Variants in AVEN observed in about 807,000 individuals in gnomAD.
AVEN encodes the protein cell death regulator Aven.
In AVEN, 41 loss-of-function variants were observed where a neutral mutation model predicts 38.1. That is an observed-to-expected ratio of 1.08 (90% CI 0.84 to 1.40). The LOEUF is 1.40. AVEN is among the 40% of genes most tolerant of loss of function. The pLI is 0.00. For missense variants in AVEN, 605 were observed against 438.8 expected, an observed-to-expected ratio of 1.38 and a Z score of -3.38; for synonymous variants, 206 against 171.8, an observed-to-expected ratio of 1.20 and a Z score of -1.56.
intron 2 of AVEN, among the ~76,000 whole-genome samples, chr15:33,946,621 G>A (rs1264812153): frequency 1.3e-5 from 2 of 152,104 alleles, no homozygotes; most frequent in Admixed American, 6.6e-5. Context: ...GAAGCAGGCC[G>A]GTGGGTAGGA....
At chr15:34,004,793 T>C (rs1251181529) in intron 1 of AVEN, among the ~76,000 whole-genome samples, 1 of 152,152 alleles carries the variant, frequency 6.6e-6, no homozygotes, top group Non-Finnish European at 1.5e-5. Flanking sequence ...TTCTATCTAC[T>C]TTTGCATGTA....
At chr15:34,021,862 AAAAAT>A (rs1052075863) in intron 1 of AVEN, among the ~76,000 whole-genome samples, 11 of 152,176 alleles carry the variant, frequency 7.2e-5, no homozygotes, top group African/African-American at 4.8e-5. Flanking sequence ...TCTCAAAAAT[AAAAAT>A]AAAATAAAAT....
chr15:34,016,391 C>G (rs187966971), intron 1 of AVEN, among the ~76,000 whole-genome samples: 319 of 152,274 alleles, frequency 2.1e-3, no homozygotes, highest in Non-Finnish European at 3.5e-3. Flanking sequence ...CTGAGTTGGG[C>G]TCGCATGGGT....
chr15:33,881,656 C>T lies in AVEN; in HGVS notation c.446-5661G>A, dbSNP rs72716841. ...AAAACATATTACCAAAATTCTTCTG[C>T]GTTGTGTTGTTACATACACACAAAG... On this transcript the variant is annotated intron_variant, in intron 2 of 5. Transcript: ENST00000306730. Among the ~76,000 whole-genome samples the T allele has an allele frequency of 8.5e-3, 1,302 of 152,316 alleles. 8 individuals are homozygous for T. The highest frequency in any genetic ancestry group is 0.014 in the Non-Finnish European group (974 of 68,028).
At chr15:34,070,254 C>G (rs1269475890) in intron 2 of AVEN, among the ~76,000 whole-genome samples, 1 of 152,146 alleles carries the variant, frequency 6.6e-6, no homozygotes, top group Non-Finnish European at 1.5e-5. Context: ...GTCCGTCCCA[C>G]AAGACATGGG....
intron 5 of AVEN, among the ~76,000 whole-genome samples, chr15:34,049,947 G>A (rs1899874420): frequency 6.6e-6 from 1 of 151,038 alleles, no homozygotes; most frequent in South Asian, 2.1e-4. Context: ...GAGTGCAGTG[G>A]CACAATCTCA....
chr15:33,920,138 G>A (rs1893336691), intron 2 of AVEN, among the ~76,000 whole-genome samples: 1 of 152,166 alleles, frequency 6.6e-6, no homozygotes, highest in Non-Finnish European at 1.5e-5. Context: ...ATGCAACAGG[G>A]TGCTAGAGTC....
intron 2 of AVEN, among the ~76,000 whole-genome samples, chr15:34,067,795 G>A (rs996754371): frequency 2.0e-5 from 3 of 152,120 alleles, no homozygotes; most frequent in Admixed American, 6.5e-5. Flanking sequence ...GCATTTCCTT[G>A]TCAACTATTT....
intron 2 of AVEN, among the ~76,000 whole-genome samples, chr15:33,946,523 T>C (rs1054611976): frequency 6.6e-6 from 1 of 152,198 alleles, no homozygotes; most frequent in African/African-American, 2.4e-5. Flanking sequence ...AGCTTAGTCC[T>C]GCCCTCATGG....
chr15:33,854,794 C>A (rs1307962205), downstream of AVEN: 2 of 1,612,728 alleles, frequency 1.2e-6, no homozygotes, highest in Non-Finnish European at 1.7e-6. Context: ...TGGTATACAA[C>A]CATGTCAGTC....
chr15:33,881,742 T>C (rs1420503203), intron 2 of AVEN, among the ~76,000 whole-genome samples: 1 of 152,244 alleles, frequency 6.6e-6, no homozygotes, highest in African/African-American at 2.4e-5. Context: ...TGGACATGCA[T>C]GGACAATTAG....
At chr15:33,904,741 T>G (rs12903366) in intron 2 of AVEN, among the ~76,000 whole-genome samples, 127,100 of 150,236 alleles carry the variant, frequency 0.85, 56,613 homozygotes, top group Non-Finnish European at 0.98. Flanking sequence ...ATATGCACGC[T>G]TGCACACACA....
At chr15:34,056,631 C>T (rs1900162064) in intron 5 of AVEN, among the ~76,000 whole-genome samples, 1 of 152,186 alleles carries the variant, frequency 6.6e-6, no homozygotes, top group Non-Finnish European at 1.5e-5. Context: ...TGAGCAGACT[C>T]TGAGGAAGAC....
chr15:33,920,035 C>T (rs186395100), intron 2 of AVEN, among the ~76,000 whole-genome samples: 20 of 152,268 alleles, frequency 1.3e-4, no homozygotes, highest in Non-Finnish European at 2.1e-4. Context: ...TAACTACTCA[C>T]GTGAACCTAC....
At chr15:33,911,010 G>A (rs1380520019) in intron 2 of AVEN, among the ~76,000 whole-genome samples, 1 of 152,106 alleles carries the variant, frequency 6.6e-6, no homozygotes, top group Non-Finnish European at 1.5e-5. Flanking sequence ...CTCAACATTG[G>A]GTTGGGAGAG....
At chr15:33,989,662 C>T (rs936364285) in intron 2 of AVEN, among the ~76,000 whole-genome samples, 5 of 152,006 alleles carry the variant, frequency 3.3e-5, no homozygotes, top group African/African-American at 1.2e-4. Flanking sequence ...TTTAGAAGAG[C>T]TTCTACCCTG....
At chr15:33,905,150 A>G (rs1016698040) in intron 2 of AVEN, among the ~76,000 whole-genome samples, 2 of 114,336 alleles carry the variant, frequency 1.7e-5, no homozygotes, top group East Asian at 2.8e-4. Flanking sequence ...AAAAAAAAAA[A>G]AAAACTACTT....
rs117009048 is a variant in AVEN, at chr15:33,870,283, G to C, written c.612+652C>G. 2.7e-3 allele frequency among the ~76,000 whole-genome samples: 406 copies of C among 152,236 alleles called. 2 individuals carry two copies. The highest frequency in any genetic ancestry group is 4.5e-3 in the Non-Finnish European group (309 of 68,020). ...CCTCCCTCACCTGCTCTGTGCATGT[G>C]TATGTGCACATGCAGACTTACCCCC... On this transcript the variant is annotated intron_variant, in intron 4 of 5. Transcript: ENST00000306730.
downstream of AVEN, among the ~76,000 whole-genome samples, chr15:33,857,408 C>CG (rs11422625): frequency 0.072 from 10,931 of 151,838 alleles, 1,155 homozygotes; most frequent in African/African-American, 0.23. Flanking sequence ...AGATTGGTTG[C>CG]GGGCCCATCT....
Sources: gnomAD v4.1 joint callset for allele counts (sites outside exome capture counted in the v4.1 genomes callset) on GRCh38, gnomAD v4.1.1 for gene constraint, MANE v1.5 for transcripts, NCBI Gene and HGNC (gene_info 2026-07-23, HGNC 2026-07-21) for gene names.